Variants in DAPK1 observed in about 807,000 individuals in gnomAD.
The protein encoded by DAPK1 is death-associated protein kinase 1.
Under a neutral mutation model 144.9 loss-of-function variants are expected in DAPK1, and 56 were observed. The observed-to-expected ratio is 0.39, with a 90% confidence interval of 0.31 to 0.48. The LOEUF is 0.48. Among genes scored for constraint, DAPK1 ranks in the 20% least tolerant of loss-of-function variants. The pLI, the probability that DAPK1 is intolerant of heterozygous loss-of-function variation, is 0.95. For missense variants in DAPK1, 1,454 were observed against 1,875.4 expected, an observed-to-expected ratio of 0.78 and a Z score of 4.15; for synonymous variants, 690 against 749.0, an observed-to-expected ratio of 0.92 and a Z score of 1.29.
At chr9:87,675,267 G>T (rs1261492889) in intron 19 of DAPK1, among the ~76,000 whole-genome samples, 3 of 151,992 alleles carry the variant, frequency 2.0e-5, no homozygotes, top group Non-Finnish European at 4.4e-5. Flanking sequence ...GAAGTGAGAT[G>T]AGAGGATGGT....
rs1827930340 is a variant in DAPK1 at position 87,585,933 on chromosome 9, C to A, written c.63-19021C>A. 1.3e-5 allele frequency among the ~76,000 whole-genome samples: 2 copies of A among 152,120 alleles called. 1 individual carries two copies. Among genetic ancestry groups the A allele is most frequent in the South Asian group, 4.1e-4 (2 of 4,824 alleles). On this transcript the variant is annotated intron_variant, in intron 2 of 25. Transcript: ENST00000408954. ...ATAACATTCAATATATTGGGATAAA[C>A]AAAATATTAGAGTTAATTTTGCCTG... is the stretch of plus-strand genomic sequence containing the variant.
At chr9:87,665,511 G>C (rs1373379393) in intron 18 of DAPK1, among the ~76,000 whole-genome samples, 2 of 152,102 alleles carry the variant, frequency 1.3e-5, no homozygotes, top group African/African-American at 4.8e-5. Context: ...CTTTTCACTG[G>C]GGATACACAA....
intron 10 of DAPK1, among the ~76,000 whole-genome samples, chr9:87,642,341 T>A (rs1830126322): frequency 6.6e-6 from 1 of 152,198 alleles, no homozygotes; most frequent in Non-Finnish European, 1.5e-5. Context: ...TATAGTGAAA[T>A]TTTTTTCTAA....
At chr9:87,641,163 A>G (rs1044607612) in intron 9 of DAPK1, among the ~76,000 whole-genome samples, 17 of 152,216 alleles carry the variant, frequency 1.1e-4, no homozygotes, top group African/African-American at 3.9e-4. Context: ...TCCAGCATGT[A>G]AATATCAATC....
chr9:87,629,174 C>G (rs1487494771), intron 3 of DAPK1, among the ~76,000 whole-genome samples: 1 of 152,188 alleles, frequency 6.6e-6, no homozygotes, highest in Non-Finnish European at 1.5e-5. Context: ...GGGCCCTAAT[C>G]CATATGACTG....
chr9:87,591,541 A>G (rs1442652512), intron 2 of DAPK1, among the ~76,000 whole-genome samples: 1 of 152,216 alleles, frequency 6.6e-6, no homozygotes. Flanking sequence ...CCAATATACT[A>G]TGTTAGGCTC....
chr9:87,655,068 G>C (rs529175717), intron 17 of DAPK1, among the ~76,000 whole-genome samples: 9 of 152,330 alleles, frequency 5.9e-5, no homozygotes, highest in African/African-American at 2.2e-4. Flanking sequence ...GTCTGTGGCA[G>C]AGCAGCTGTA....
intron 9 of DAPK1, 107 bp from the exon 10 acceptor site, chr9:87,641,861 AG>A: frequency 1.3e-6 from 1 of 798,362 alleles, no homozygotes; most frequent in Non-Finnish European, 2.0e-6. Flanking sequence ...TAATTTAATA[AG>A]GTGAATGTGT....
chr9:87,517,549 C>G (rs1045379484), intron 2 of DAPK1, among the ~76,000 whole-genome samples: 6 of 152,128 alleles, frequency 3.9e-5, no homozygotes, highest in African/African-American at 1.4e-4. Context: ...CACCTATTGT[C>G]TGATGATCAT....
chr9:87,508,164 A>T (rs1480249457), intron 2 of DAPK1, among the ~76,000 whole-genome samples: 1 of 151,774 alleles, frequency 6.6e-6, no homozygotes, highest in Non-Finnish European at 1.5e-5. Context: ...GGCACCCGCC[A>T]CGACGCCCGG....
At chr9:87,643,514 A>G (rs757464579) in intron 11 of DAPK1, 46 bp downstream of exon 11, 13 of 1,166,002 alleles carry the variant, frequency 1.1e-5, no homozygotes, top group African/African-American at 1.5e-5. Context: ...AGCACTGGGT[A>G]CTCAGAATGA....
At chr9:87,558,002 A>G (rs57196281) in intron 2 of DAPK1, among the ~76,000 whole-genome samples, 18,094 of 152,222 alleles carry the variant, frequency 0.12, 1,380 homozygotes, top group Admixed American at 0.16. Context: ...TTGTTGGATA[A>G]GTCAGTTTGG....
intron 2 of DAPK1, among the ~76,000 whole-genome samples, chr9:87,601,467 A>G (rs1281812016): frequency 1.7e-4 from 26 of 152,016 alleles, no homozygotes; most frequent in Non-Finnish European, 1.5e-5. Flanking sequence ...GGATTTAGCA[A>G]TAGTTGTATA....
At chr9:87,576,153 C>T (rs986290271) in intron 2 of DAPK1, among the ~76,000 whole-genome samples, 3 of 152,176 alleles carry the variant, frequency 2.0e-5, no homozygotes, top group Admixed American at 6.5e-5. Flanking sequence ...TCTTCATACA[C>T]GTACACACAC....
intron 2 of DAPK1, among the ~76,000 whole-genome samples, chr9:87,539,996 A>G (rs931950140): frequency 6.6e-6 from 1 of 152,108 alleles, no homozygotes; most frequent in Non-Finnish European, 1.5e-5. Context: ...GAAGCCGTCA[A>G]GTGCTTCCTT....
intron 9 of DAPK1, 132 bp from the exon 10 acceptor site, chr9:87,641,837 C>A: frequency 1.4e-6 from 1 of 692,874 alleles, no homozygotes; most frequent in Non-Finnish European, 2.4e-6. Context: ...CCATGTTATC[C>A]CAACTTCTTA....
chr9:87,501,580 A>G (rs893446365), intron 2 of DAPK1, among the ~76,000 whole-genome samples: 39 of 152,316 alleles, frequency 2.6e-4, no homozygotes, highest in African/African-American at 8.2e-4. Context: ...CTTTACTTAT[A>G]TATCTTTAGC....
At chr9:87,614,288 TC>T (rs1252569244) in intron 3 of DAPK1, among the ~76,000 whole-genome samples, 1 of 152,182 alleles carries the variant, frequency 6.6e-6, no homozygotes, top group African/African-American at 2.4e-5. Context: ...AGCTCATAGA[TC>T]TGTAGTTTTT....
rs1308328748 is a variant in DAPK1, at chr9:87,639,885, ATGTG to A, written c.629+71_629+74del. On this transcript the variant is annotated intron_variant, in intron 7 of 25. Coordinates refer to ENST00000408954, the MANE Select transcript of DAPK1 (RefSeq NM_004938.4). ...GACCATAGGTTTAATTAACCATTAA[ATGTG>A]CTGTGTTGATCTCTTCAGCTTATGC... The A allele has an allele frequency of 2.0e-6, 3 of 1,537,824 alleles. No individual in the cohort carries two copies. In the African/African-American group the frequency reaches 4.1e-5, roughly 21 times the overall value.
Sources: gnomAD v4.1 joint callset for allele counts (sites outside exome capture counted in the v4.1 genomes callset) on GRCh38, gnomAD v4.1.1 for gene constraint, MANE v1.5 for transcripts, NCBI Gene and HGNC (gene_info 2026-07-23, HGNC 2026-07-21) for gene names.